Variants in PDYN observed in about 807,000 individuals in gnomAD.
PDYN encodes the protein prodynorphin.
In PDYN, 5 loss-of-function variants were observed where a neutral mutation model predicts 11.4. The observed-to-expected ratio is 0.44, with a 90% CI of 0.23 to 0.92. The LOEUF is 0.92. PDYN is among the 40% of genes least tolerant of loss of function. The probability of loss-of-function intolerance (pLI) is 0.24; values close to 1 mark genes in which losing one functional copy is unlikely to be tolerated. For synonymous variants in PDYN, 132 were observed against 129.5 expected (o/e 1.02, Z -0.13); for missense variants, 337 against 317.3 (o/e 1.06, Z -0.47).
Position 1,983,094 on chromosome 20 carries a change from GCAATTC to G in PDYN, c.-16_-11del, listed in dbSNP as rs1278346138. Reference sequence around the variant, plus strand: ...GCCCCTGCCAGGCCATCCTGTCTCAGCAATTCCTGCTGGGGAGGAAGAAAGAGAAGA... The same window carrying G: ...GCCCCTGCCAGGCCATCCTGTCTCAGCTGCTGGGGAGGAAGAAAGAGAAGA... On this transcript the variant is annotated 5_prime_UTR_variant, in exon 3 of 4. Coordinates refer to ENST00000217305, the MANE Select transcript of PDYN (RefSeq NM_024411.5). The G allele has an allele frequency of 6.2e-7, 1 of 1,612,876 alleles. No individual in the cohort carries two copies. Among genetic ancestry groups the G allele is most frequent in the East Asian group, 2.2e-5 (1 of 44,862 alleles).
intron 2 of PDYN, among the ~76,000 whole-genome samples, chr20:1,985,336 A>G (rs554932708): frequency 7.2e-5 from 11 of 152,018 alleles, no homozygotes; most frequent in Non-Finnish European, 1.5e-4. Flanking sequence ...TCATCACCTC[A>G]TTTATTCCTT....
chr20:1,993,334 C>A (rs1232398304), intron 1 of PDYN, among the ~76,000 whole-genome samples: 2 of 152,152 alleles, frequency 1.3e-5, no homozygotes, highest in African/African-American at 2.4e-5. Flanking sequence ...CAAACTTCAA[C>A]CTGTATCAAA....
In PDYN at chr20:1,979,178, CCT is replaced by C. The variant is rs1987558673; in HGVS notation, c.*1143_*1144del. ...GCCTCAAGCACTTAATCATTTTATT[CCT>C]CTTTCTGGTTTTATTTTGAGACATT... is the stretch of plus-strand genomic sequence containing the variant. On this transcript the variant is annotated 3_prime_UTR_variant, in exon 4 of 4. Coordinates refer to ENST00000217305, the MANE Select transcript of PDYN (RefSeq NM_024411.5). The C allele has an allele frequency of 1.3e-5, 2 of 152,158 alleles. No individual in the cohort carries two copies. Among genetic ancestry groups the C allele is most frequent in the African/African-American group, 4.8e-5 (2 of 41,428 alleles). The allele number at this position is 152,158 out of a possible 1,614,324, so 9.4% of individuals were successfully genotyped here. A position where few individuals can be genotyped will look rare whatever the true frequency, so the allele number is the denominator to read the frequency against.
rs756130057 is a variant in PDYN at position 1,980,261 on chromosome 20, T to C, written c.*62A>G. 1.3e-6 allele frequency: 2 copies of C among 1,515,502 alleles called. No homozygotes were observed. The highest frequency in any genetic ancestry group is 1.4e-5 in the African/African-American group (1 of 72,900). The allele number at this position is 1,515,502 out of a possible 1,614,324, so 93.9% of individuals were successfully genotyped here. On this transcript the variant is annotated 3_prime_UTR_variant, in exon 4 of 4. Coordinates refer to ENST00000217305, the MANE Select transcript of PDYN (RefSeq NM_024411.5). ...GGGCACATATAAGAGGATGAATGAA[T>C]GCACTCCAACCTGAAAAGGTGTCAG...
In PDYN at chr20:1,980,777, T is replaced by C; in HGVS notation, c.311A>G (p.Lys104Arg). 1 of 1,614,218 alleles carries C rather than the reference T, an allele frequency of 6.2e-7. No homozygotes were observed. The highest frequency in any genetic ancestry group is 1.1e-5 in the South Asian group (1 of 91,082). ...GAGAAACTTGCTTTTCTCCAGCTCC[T>C]TCAGGAATGACCCAGAGAGCTTGGC... is the stretch of plus-strand genomic sequence containing the variant. ...ELAKLSGSFL[K>R]ELEKSKFLPS... The change falls in exon 4 of 4, where the codon AAG becomes AGG. Residue 104 changes from lysine (K) to arginine (R), a missense_variant. Coordinates refer to ENST00000217305, the MANE Select transcript of PDYN (RefSeq NM_024411.5).
chr20:1,983,068 A>G lies in PDYN; in HGVS notation c.17T>C (p.Leu6Pro). 6.2e-7 allele frequency: 1 copy of G among 1,613,628 alleles called. No homozygotes were observed. MAWQG[L>P]VLAACLLMFP... Reference sequence around the variant, plus strand: ...CATGAGGAGGCAGGCAGCCAGGACCAGCCCCTGCCAGGCCATCCTGTCTCA... The same window carrying G: ...CATGAGGAGGCAGGCAGCCAGGACCGGCCCCTGCCAGGCCATCCTGTCTCA... The change falls in exon 3 of 4, where the codon CTG (leucine) becomes CCG (proline). Residue 6 changes from leucine (L) to proline (P), a missense_variant. Transcript: ENST00000217305.
In PDYN at chr20:1,983,710, G is replaced by A. The variant is rs557334762; in HGVS notation, c.-19-607C>T. Among the ~76,000 whole-genome samples, 87 of 152,174 alleles carry A rather than the reference G, an allele frequency of 5.7e-4. 1 individual carries two copies. In the South Asian group the frequency reaches 8.7e-3, roughly 15 times the overall value. ...CCTGCCTGCCTCCAGTTCCTTCTCC[G>A]ATTCCTCCTTCCTACCCTGAAATGC... On this transcript the variant is annotated intron_variant, in intron 2 of 3. Transcript: ENST00000217305.
At chr20:1,991,738 T>C (rs1240346354) in intron 2 of PDYN, among the ~76,000 whole-genome samples, 1 of 152,198 alleles carries the variant, frequency 6.6e-6, no homozygotes, top group East Asian at 1.9e-4. Flanking sequence ...TGATCTCTCT[T>C]ACAATGATGG....
chr20:1,987,506 C>A lies in PDYN; in HGVS notation c.-19-4403G>T, dbSNP rs187359721. 4.6e-5 allele frequency among the ~76,000 whole-genome samples: 7 copies of A among 152,346 alleles called. No homozygotes were observed. In the East Asian group the frequency reaches 1.2e-3, roughly 25 times the overall value. ...ATACTGCCCATCGCCACCCGCGGAACCACCTGGGGCTTCCCTCACTGCCGA... is the reference window on the plus strand; with the variant it reads ...ATACTGCCCATCGCCACCCGCGGAAACACCTGGGGCTTCCCTCACTGCCGA... On this transcript the variant is annotated intron_variant, in intron 2 of 3. Transcript: ENST00000217305.
rs542119815 is a variant in PDYN, at chr20:1,983,202, C to T, written c.-19-99G>A. 2.8e-5 allele frequency: 29 copies of T among 1,026,908 alleles called. No individual in the cohort carries two copies. The African/African-American group carries it at 4.6e-4, about 16-fold the overall frequency. The allele number at this position is 1,026,908 out of a possible 1,614,324, so 63.6% of individuals were successfully genotyped here. A position where few individuals can be genotyped will look rare whatever the true frequency, so the allele number is the denominator to read the frequency against. On this transcript the variant is annotated intron_variant, in intron 2 of 3. Transcript: ENST00000217305. Reference sequence around the variant, plus strand: ...TCATCTCTAACTCCTGCCCACAGCACTGCAAAGCATTCTGATTCCCATTCT... The same window carrying T: ...TCATCTCTAACTCCTGCCCACAGCATTGCAAAGCATTCTGATTCCCATTCT...
At chr20:1,993,379 G>A (rs1476856928) in intron 1 of PDYN, among the ~76,000 whole-genome samples, 3 of 152,094 alleles carry the variant, frequency 2.0e-5, no homozygotes, top group African/African-American at 7.2e-5. Flanking sequence ...CCAGCACCCT[G>A]TCAGCAATTA....
rs745539811 is a variant in PDYN at position 1,980,567 on chromosome 20, C to A, written c.521G>T (p.Arg174Leu). Residue 174 changes from arginine (R) to leucine (L), a missense_variant, in exon 4 of 4, where the codon CGC (arginine) becomes CTC (leucine). By Grantham distance (102) the Arg-to-Leu change is moderately radical (BLOSUM62 -2). Coordinates refer to ENST00000217305, the MANE Select transcript of PDYN (RefSeq NM_024411.5). Reference protein sequence around the residue: ...AEEDPKEQVKRYGGFLRKYPK... With the variant: ...AEEDPKEQVKLYGGFLRKYPK... ...GTATTTGCGCAAAAAGCCCCCATAG[C>A]GTTTGACCTGCTCCTTGGGGTCCTC... The A allele has an allele frequency of 6.2e-7, 1 of 1,614,130 alleles. No individual in the cohort carries two copies. Among genetic ancestry groups the A allele is most frequent in the East Asian group, 2.2e-5 (1 of 44,864 alleles).
At chr20:1,990,027 T>C (rs1025949025) in intron 2 of PDYN, among the ~76,000 whole-genome samples, 1 of 152,084 alleles carries the variant, frequency 6.6e-6, no homozygotes, top group Non-Finnish European at 1.5e-5. Context: ...CATGGCAGAG[T>C]TGGAATTCTC....
intron 2 of PDYN, among the ~76,000 whole-genome samples, chr20:1,987,961 C>A (rs143765818): frequency 2.6e-4 from 39 of 152,234 alleles, no homozygotes; most frequent in Middle Eastern, 3.4e-3. Context: ...AAGGAGAGAT[C>A]ATAAAGAGCT....
At chr20:1,984,131 C>T (rs1335006961) in intron 2 of PDYN, among the ~76,000 whole-genome samples, 2 of 152,218 alleles carry the variant, frequency 1.3e-5, no homozygotes, top group African/African-American at 4.8e-5. Context: ...TGCGAGTCTT[C>T]AGGATTTGGT....
In PDYN at chr20:1,985,485, C is replaced by G. The variant is rs1219596370; in HGVS notation, c.-19-2382G>C. ...TAGAGCAACTTCAATTCAGTGGCAGCTGCACCCTCCGTGAGATCCAAGGGG... is the reference window on the plus strand; with the variant it reads ...TAGAGCAACTTCAATTCAGTGGCAGGTGCACCCTCCGTGAGATCCAAGGGG... On this transcript the variant is annotated intron_variant, in intron 2 of 3. Transcript: ENST00000217305. Among the ~76,000 whole-genome samples, 3 of 152,302 alleles carry G rather than the reference C, an allele frequency of 2.0e-5. No homozygotes were observed. The East Asian group carries it at 5.8e-4, about 29-fold the overall frequency.
intron 3 of PDYN, 74 bp downstream of exon 3, chr20:1,982,882 G>A: frequency 1.3e-6 from 2 of 1,538,740 alleles, no homozygotes; most frequent in South Asian, 1.1e-5. Context: ...GCCCAGGCCT[G>A]CAACCTCCCC....
At chr20:1,991,626 A>T (rs1988453097) in intron 2 of PDYN, among the ~76,000 whole-genome samples, 1 of 152,264 alleles carries the variant, frequency 6.6e-6, no homozygotes, top group Admixed American at 6.5e-5. Flanking sequence ...ACCCAGCAAG[A>T]TTAGCCAACA....
intron 2 of PDYN, among the ~76,000 whole-genome samples, chr20:1,986,741 T>A (rs1419212885): frequency 6.6e-6 from 1 of 152,338 alleles, no homozygotes; most frequent in Non-Finnish European, 1.5e-5. Flanking sequence ...CCAGACAGAT[T>A]GGATGTGAGT....
Sources: allele counts gnomAD v4.1 joint callset (sites outside exome capture counted in the v4.1 genomes callset), GRCh38; gene constraint gnomAD v4.1.1; transcripts MANE v1.5; gene names NCBI Gene and HGNC (gene_info 2026-07-23, HGNC 2026-07-21).